GADL1: variants seen among roughly 807,000 people sequenced by gnomAD.
GADL1 encodes acidic amino acid decarboxylase GADL1.
In GADL1, 71 loss-of-function variants were observed where a neutral mutation model predicts 69.5. The ratio of observed to expected loss-of-function variants is 1.02; its 90% confidence interval spans 0.84 to 1.25. The LOEUF (loss-of-function observed/expected upper bound fraction) is 1.25. Among genes scored for constraint, GADL1 ranks in the 50% most tolerant of loss-of-function variants. The pLI is 0.00. For synonymous variants in GADL1, 254 were observed against 214.4 expected (o/e 1.18, Z -1.62); for missense variants, 737 against 631.8 (o/e 1.17, Z -1.79).
chr3:30,810,155 CTG>C (rs1209288199), intron 11 of GADL1, among the ~76,000 whole-genome samples: 3 of 152,204 alleles, frequency 2.0e-5, no homozygotes, highest in Admixed American at 6.5e-5. Flanking sequence ...TTCTCAAAAA[CTG>C]TGTGCTATCA....
At chr3:30,820,164 A>G (rs921293011) in intron 11 of GADL1, among the ~76,000 whole-genome samples, 1 of 151,974 alleles carries the variant, frequency 6.6e-6, no homozygotes, top group African/African-American at 2.4e-5. Flanking sequence ...AATCAGTAAT[A>G]CAGAAAATCT....
chr3:30,753,435 T>G (rs1575185144), intron 14 of GADL1, among the ~76,000 whole-genome samples: 1 of 151,606 alleles, frequency 6.6e-6, no homozygotes, highest in Non-Finnish European at 1.5e-5. Context: ...TTCCTTAGTT[T>G]ATTTTTTAAT....
rs557558287 is a variant in GADL1 at position 30,733,763 on chromosome 3, C to T, written c.1393-5348G>A. Among the ~76,000 whole-genome samples, 18 of 152,164 alleles carry T rather than the reference C, an allele frequency of 1.2e-4. No homozygotes were observed. In the East Asian group the frequency reaches 1.5e-3, roughly 13 times the overall value. On this transcript the variant is annotated intron_variant, in intron 14 of 14. Coordinates refer to ENST00000282538, the MANE Select transcript of GADL1 (RefSeq NM_207359.3). The stretch of plus-strand genomic sequence containing the variant: ...TCTGAAGCCAGGTGGAGATACACCA[C>T]GGATCAAGGCAGGGGCCAGAATTCA...
intron 1 of GADL1, among the ~76,000 whole-genome samples, chr3:30,862,671 G>C (rs1226586764): frequency 1.3e-5 from 2 of 151,980 alleles, no homozygotes; most frequent in African/African-American, 4.8e-5. Context: ...GGATGTATCT[G>C]AATTATCGAA....
At chr3:30,738,145 C>A (rs1204513856) in intron 14 of GADL1, among the ~76,000 whole-genome samples, 1 of 152,218 alleles carries the variant, frequency 6.6e-6, no homozygotes, top group East Asian at 1.9e-4. Flanking sequence ...TCCTGAGTAA[C>A]TGTTGTGGGC....
At chr3:30,784,819 CA>C (rs1266868320) in intron 13 of GADL1, among the ~76,000 whole-genome samples, 3 of 152,216 alleles carry the variant, frequency 2.0e-5, no homozygotes, top group Non-Finnish European at 4.4e-5. Context: ...CTAAAGGCCT[CA>C]CCTTGACTTA....
chr3:30,751,765 C>T lies in GADL1; in HGVS notation c.1393-23350G>A, dbSNP rs1048294286. Among the ~76,000 whole-genome samples, 6 of 151,984 alleles carry T rather than the reference C, an allele frequency of 3.9e-5. No homozygotes were observed. In the East Asian group the frequency reaches 5.8e-4, roughly 15 times the overall value. On this transcript the variant is annotated intron_variant, in intron 14 of 14. Transcript: ENST00000282538. ...AGATTTCTGCTGCGCTGGTGCCCCC[C>T]GATGGTCTCGCCATTTCATGGCTCA...
chr3:30,842,842 AAGT>A (rs1480044634), intron 8 of GADL1, among the ~76,000 whole-genome samples: 6 of 150,946 alleles, frequency 4.0e-5, no homozygotes, highest in South Asian at 2.1e-4. Context: ...AAAAAAAAAA[AAGT>A]AGGACACACA....
chr3:30,732,297 G>A (rs1247607071), intron 14 of GADL1, among the ~76,000 whole-genome samples: 1 of 152,166 alleles, frequency 6.6e-6, no homozygotes, highest in Non-Finnish European at 1.5e-5. Context: ...TGGCAGGAGT[G>A]AGATTGCTTT....
intron 12 of GADL1, among the ~76,000 whole-genome samples, chr3:30,787,837 C>T (rs764021340): frequency 5.3e-5 from 8 of 152,168 alleles, no homozygotes; most frequent in African/African-American, 9.6e-5. Context: ...GGGATTATTA[C>T]GTCATTTTAG....
chr3:30,771,888 T>C (rs1257916748), intron 14 of GADL1, among the ~76,000 whole-genome samples: 1 of 135,888 alleles, frequency 7.4e-6, no homozygotes, highest in Non-Finnish European at 1.5e-5. Context: ...TGCTGTTATT[T>C]CTAGCCGCTC....
intron 14 of GADL1, among the ~76,000 whole-genome samples, chr3:30,728,617 A>T (rs919407814): frequency 6.6e-6 from 1 of 152,216 alleles, no homozygotes; most frequent in Non-Finnish European, 1.5e-5. Flanking sequence ...ATATTAATTA[A>T]TCTTCACAAT....
chr3:30,743,588 G>T (rs1283956728), intron 14 of GADL1, among the ~76,000 whole-genome samples: 1 of 152,154 alleles, frequency 6.6e-6, no homozygotes, highest in African/African-American at 2.4e-5. Flanking sequence ...CCATCCAGAG[G>T]AGTGGGCTGG....
At chr3:30,792,431 G>A (rs1696943466) in intron 12 of GADL1, among the ~76,000 whole-genome samples, 1 of 152,068 alleles carries the variant, frequency 6.6e-6, no homozygotes, top group Non-Finnish European at 1.5e-5. Context: ...AAATTAGCCG[G>A]GTGTAGAAGT....
At chr3:30,825,644 A>G (rs1258380952) in intron 11 of GADL1, among the ~76,000 whole-genome samples, 1 of 145,118 alleles carries the variant, frequency 6.9e-6, no homozygotes, top group African/African-American at 2.6e-5. Context: ...AGTAGCGATA[A>G]AAGAGAAGGC....
intron 14 of GADL1, among the ~76,000 whole-genome samples, chr3:30,768,492 A>G (rs1372554875): frequency 2.0e-5 from 3 of 148,166 alleles, no homozygotes; most frequent in African/African-American, 7.4e-5. Flanking sequence ...ATATTTATCA[A>G]TTGAGGGGGA....
In GADL1 at chr3:30,778,033, T is replaced by A. The variant is rs945829482; in HGVS notation, c.1392+146A>T. On this transcript the variant is annotated intron_variant, in intron 14 of 14. Transcript: ENST00000282538. ...AATGTAAACAATGTCTACAACTGTT[T>A]GGCCTGTCATTACTTTTTAACAAAC... is the stretch of plus-strand genomic sequence containing the variant. 5.2e-6 allele frequency: 3 copies of A among 579,728 alleles called. No homozygotes were observed. In the East Asian group the frequency reaches 8.4e-5, roughly 16 times the overall value. The allele number at this position is 579,728 out of a possible 1,614,324, so 35.9% of individuals were successfully genotyped here. A position where few individuals can be genotyped will look rare whatever the true frequency, so the allele number is the denominator to read the frequency against.
intron 14 of GADL1, among the ~76,000 whole-genome samples, chr3:30,770,506 G>A (rs759995527): frequency 6.6e-6 from 1 of 152,190 alleles, no homozygotes; most frequent in Non-Finnish European, 1.5e-5. Context: ...ATGAAATGCA[G>A]ATTTAGCTGT....
intron 12 of GADL1, chr3:30,800,676 C>T (rs939887457): frequency 5.2e-6 from 3 of 572,142 alleles, no homozygotes; most frequent in South Asian, 2.0e-5. Flanking sequence ...CTGCTCTGTT[C>T]ATAATTCCTA....
Sources: gnomAD v4.1 joint callset for allele counts (sites outside exome capture counted in the v4.1 genomes callset) on GRCh38, gnomAD v4.1.1 for gene constraint, MANE v1.5 for transcripts, NCBI Gene and HGNC (gene_info 2026-07-23, HGNC 2026-07-21) for gene names.